GRIK4: variants seen among roughly 807,000 people sequenced by gnomAD.
GRIK4 encodes the protein glutamate ionotropic receptor kainate type subunit 4.
Under a neutral mutation model 104.9 loss-of-function variants are expected in GRIK4, and 40 were observed. The ratio of observed to expected loss-of-function variants is 0.38; its 90% CI spans 0.30 to 0.50. The LOEUF (loss-of-function observed/expected upper bound fraction) is 0.50, where lower values mean the gene tolerates loss of function less well. Among genes scored for constraint, GRIK4 ranks in the 20% least tolerant of loss-of-function variants. The probability of loss-of-function intolerance (pLI) is 0.93; values close to 1 mark genes in which losing one functional copy is unlikely to be tolerated. For missense variants in GRIK4, 1,047 were observed against 1,308.1 expected, an observed-to-expected ratio of 0.80 and a Z score of 3.08; for synonymous variants, 485 against 524.9, an observed-to-expected ratio of 0.92 and a Z score of 1.04.
At chr11:120,839,517 G>C (rs1180008743) in intron 8 of GRIK4, among the ~76,000 whole-genome samples, 1 of 152,230 alleles carries the variant, frequency 6.6e-6, no homozygotes, top group Non-Finnish European at 1.5e-5. Context: ...GTTTATTTAG[G>C]AGAAGGTGTT....
Position 120,940,355 on chromosome 11 carries a change from TCTGG to T in GRIK4, c.1489_1492del (p.Ala497TrpfsTer13), listed in dbSNP as rs1943693431. ...GTCTCTGTTCTTTTCAGAAAGCAGA[TCTGG>T]CTGTGGCAGGCCTCACCATTACAGC... On this transcript the variant is annotated frameshift_variant, in exon 14 of 21. Transcript: ENST00000527524. LOFTEE classifies it high-confidence loss of function. This position sits in a 1 kb window ranked among gnomAD's most constrained non-coding sequence, Gnocchi z 4.3. The T allele has an allele frequency of 6.2e-7, 1 of 1,609,550 alleles. No homozygotes were observed. Among genetic ancestry groups the T allele is most frequent in the Admixed American group, 1.7e-5 (1 of 59,872 alleles).
intron 6 of GRIK4, among the ~76,000 whole-genome samples, chr11:120,823,889 T>A (rs1244098505): frequency 6.6e-6 from 1 of 152,020 alleles, no homozygotes; most frequent in Non-Finnish European, 1.5e-5. Context: ...GTCCCCACCC[T>A]CCAGGGCCAG....
chr11:120,986,078 G>A lies in GRIK4; in HGVS notation c.2689G>A (p.Glu897Lys), dbSNP rs1022114036. The change falls in exon 21 of 21, where the codon GAG becomes AAG. Residue 897 changes from glutamate (E) to lysine (K), a missense_variant. Transcript: ENST00000527524. ...LSNGKLCGAG[E>K]PDQLAQRLAQ... is the part of the protein sequence containing the mutation. Reference sequence around the variant, plus strand: ...CAACGGGAAGCTGTGCGGGGCAGGGGAGCCCGACCAGCTCGCGCAGAGACT... The same window carrying A: ...CAACGGGAAGCTGTGCGGGGCAGGGAAGCCCGACCAGCTCGCGCAGAGACT... The A allele has an allele frequency of 7.1e-5, 108 of 1,513,346 alleles. No homozygotes were observed. The highest frequency in any genetic ancestry group is 9.0e-5 in the Non-Finnish European group (102 of 1,136,198). The allele number at this position is 1,513,346 out of a possible 1,614,324, so 93.7% of individuals were successfully genotyped here. A position where few individuals can be genotyped will look rare whatever the true frequency, so the allele number is the denominator to read the frequency against.
At chr11:120,881,437 A>C (rs1954964967) in intron 11 of GRIK4, among the ~76,000 whole-genome samples, 1 of 152,216 alleles carries the variant, frequency 6.6e-6, no homozygotes, top group African/African-American at 2.4e-5. Flanking sequence ...GAAACTGGCC[A>C]GGCAATGAGG....
chr11:120,750,102 C>T (rs1440536562), intron 3 of GRIK4, among the ~76,000 whole-genome samples: 1 of 151,972 alleles, frequency 6.6e-6, no homozygotes, highest in Non-Finnish European at 1.5e-5. Flanking sequence ...AGGTGACTTG[C>T]TGGAGTTCAC....
intron 3 of GRIK4, among the ~76,000 whole-genome samples, chr11:120,663,631 G>A (rs1949855833): frequency 6.6e-6 from 1 of 152,098 alleles, no homozygotes; most frequent in Non-Finnish European, 1.5e-5. Context: ...CCTACCTCTT[G>A]TTACTCCTTC....
chr11:120,658,324 C>T (rs1949746748), intron 2 of GRIK4, among the ~76,000 whole-genome samples: 1 of 152,104 alleles, frequency 6.6e-6, no homozygotes, highest in African/African-American at 2.4e-5. Context: ...GAAACGAAAC[C>T]ACCAGAGTGC....
At chr11:120,560,180 C>T (rs1948224355) in intron 1 of GRIK4, among the ~76,000 whole-genome samples, 2 of 152,112 alleles carry the variant, frequency 1.3e-5, no homozygotes. Flanking sequence ...TCCCAAGTAG[C>T]TGGGATTGTA....
chr11:120,606,762 G>A (rs1373965327), intron 1 of GRIK4, among the ~76,000 whole-genome samples: 1 of 152,034 alleles, frequency 6.6e-6, no homozygotes, highest in Non-Finnish European at 1.5e-5. Flanking sequence ...GCCGTGGAAA[G>A]ACTTTAGAGA....
chr11:120,752,424 C>T (rs898667601), intron 3 of GRIK4, among the ~76,000 whole-genome samples: 1 of 152,180 alleles, frequency 6.6e-6, no homozygotes, highest in Non-Finnish European at 1.5e-5. Flanking sequence ...CAGAGTCACA[C>T]AGCCCGCCAA....
intron 11 of GRIK4, among the ~76,000 whole-genome samples, chr11:120,876,935 G>T (rs117548876): frequency 6.6e-6 from 1 of 152,340 alleles, no homozygotes; most frequent in Non-Finnish European, 1.5e-5. Context: ...TCTGCCTCCT[G>T]CTTCTGGGTC....
chr11:120,641,469 A>G (rs1370147221), intron 1 of GRIK4, among the ~76,000 whole-genome samples: 1 of 151,994 alleles, frequency 6.6e-6, no homozygotes, highest in African/African-American at 2.4e-5. Context: ...TCTTGATTAT[A>G]TGCTAAGCAA....
At chr11:120,745,918 T>C (rs1002799406) in intron 3 of GRIK4, among the ~76,000 whole-genome samples, 1 of 152,162 alleles carries the variant, frequency 6.6e-6, no homozygotes, top group African/African-American at 2.4e-5. Context: ...GCAGCTACCA[T>C]AGAGCACTGA....
chr11:120,775,191 C>T (rs1337106961), intron 3 of GRIK4, among the ~76,000 whole-genome samples: 2 of 152,090 alleles, frequency 1.3e-5, no homozygotes, highest in African/African-American at 4.8e-5. Flanking sequence ...ATTTCTTCTG[C>T]CTCTGGTCTG....
chr11:120,670,294 C>CA (rs1471627675), intron 3 of GRIK4, among the ~76,000 whole-genome samples: 1 of 152,188 alleles, frequency 6.6e-6, no homozygotes, highest in Non-Finnish European at 1.5e-5. Context: ...AAAATGGCAG[C>CA]AAAAATGACT....
chr11:120,847,000 C>G (rs577659499), intron 8 of GRIK4, among the ~76,000 whole-genome samples: 4 of 152,150 alleles, frequency 2.6e-5, no homozygotes, highest in African/African-American at 9.7e-5. Flanking sequence ...ACCCCCTTAC[C>G]CAGAAGTATC....
At chr11:120,851,905 G>A (rs1953982987) in intron 8 of GRIK4, among the ~76,000 whole-genome samples, 1 of 152,220 alleles carries the variant, frequency 6.6e-6, no homozygotes, top group African/African-American at 2.4e-5. Flanking sequence ...CCCCTGGTGG[G>A]ATGGTGGAGC....
At chr11:120,976,785 T>G (rs1424518851) in intron 19 of GRIK4, among the ~76,000 whole-genome samples, 2 of 152,258 alleles carry the variant, frequency 1.3e-5, no homozygotes, top group African/African-American at 2.4e-5. Flanking sequence ...CCTGCCTCCA[T>G]GGCTTTTGTG....
At chr11:120,926,002 AAAAG>A (rs1303121566) in intron 13 of GRIK4, among the ~76,000 whole-genome samples, 4 of 152,062 alleles carry the variant, frequency 2.6e-5, no homozygotes, top group African/African-American at 4.8e-5. Flanking sequence ...AAAAAAAAGA[AAAAG>A]AAAGAAAAGA....
Sources: gnomAD v4.1 joint callset for allele counts (sites outside exome capture counted in the v4.1 genomes callset) on GRCh38, gnomAD v4.1.1 for gene constraint, Gnocchi (gnomAD v3.1) non-coding constraint, MANE v1.5 for transcripts, NCBI Gene and HGNC (gene_info 2026-07-23, HGNC 2026-07-21) for gene names.